The following SPTBN1 variants were observed in gnomAD, a reference collection of about 807,000 sequenced individuals.
The protein encoded by SPTBN1 is spectrin beta chain, non-erythrocytic 1.
Under a neutral mutation model 266.4 loss-of-function variants are expected in SPTBN1, and 32 were observed. The ratio of observed to expected loss-of-function variants is 0.12; its 90% CI spans 0.09 to 0.16. The LOEUF (loss-of-function observed/expected upper bound fraction) is 0.16, where lower values mean the gene tolerates loss of function less well. Among genes scored for constraint, SPTBN1 ranks in the 10% least tolerant of loss-of-function variants. The pLI is 1.00. For missense variants in SPTBN1, 2,296 were observed against 3,067.1 expected, an observed-to-expected ratio of 0.75 and a Z score of 5.94; for synonymous variants, 1,336 against 1,162.2, an observed-to-expected ratio of 1.15 and a Z score of -3.04.
At chr2:54,587,859 G>A (rs529583377) in intron 2 of SPTBN1, among the ~76,000 whole-genome samples, 10 of 152,114 alleles carry the variant, frequency 6.6e-5, no homozygotes, top group Non-Finnish European at 1.3e-4. Context: ...AAGGGGCCCC[G>A]AGTTCACCCT....
intron 19 of SPTBN1, 85 bp from the exon 20 acceptor site, chr2:54,644,238 C>G (rs544623325): frequency 6.6e-7 from 1 of 1,506,194 alleles, no homozygotes; most frequent in Admixed American, 1.9e-5. Context: ...AATCACAGAT[C>G]AAATGTCCTA....
intron 1 of SPTBN1, among the ~76,000 whole-genome samples, chr2:54,502,754 A>C (rs1669339276): frequency 6.6e-6 from 1 of 152,272 alleles, no homozygotes; most frequent in South Asian, 2.1e-4. Context: ...GGGCTTCATT[A>C]TTCCTCTTTT....
At chr2:54,643,586 A>T (rs189780276) in intron 19 of SPTBN1, among the ~76,000 whole-genome samples, 2 of 152,350 alleles carry the variant, frequency 1.3e-5, no homozygotes. Flanking sequence ...TCTTGCACAG[A>T]GAGATTCTGG....
At chr2:54,562,044 T>C (rs1673344031) in intron 2 of SPTBN1, among the ~76,000 whole-genome samples, 1 of 152,156 alleles carries the variant, frequency 6.6e-6, no homozygotes, top group Non-Finnish European at 1.5e-5. Context: ...TTTTCAGATT[T>C]TCACCTGCAA....
intron 2 of SPTBN1, among the ~76,000 whole-genome samples, chr2:54,598,099 G>T (rs1272787717): frequency 6.6e-6 from 1 of 152,156 alleles, no homozygotes; most frequent in East Asian, 1.9e-4. Context: ...TTCTGCAGAG[G>T]CAAGAAGTTT....
chr2:54,590,998 G>C (rs1270974854), intron 2 of SPTBN1, among the ~76,000 whole-genome samples: 1 of 152,200 alleles, frequency 6.6e-6, no homozygotes, highest in African/African-American at 2.4e-5. Flanking sequence ...GTTGGGGTCT[G>C]AAACCACCCA....
chr2:54,661,782 A>G, intron 32 of SPTBN1: 4 of 985,270 alleles, frequency 4.1e-6, no homozygotes, highest in Non-Finnish European at 4.8e-6. Flanking sequence ...CAGGACTGAC[A>G]CCCAATTTGA....
chr2:54,464,813 C>G (rs765221622), intron 1 of SPTBN1, among the ~76,000 whole-genome samples: 56 of 152,272 alleles, frequency 3.7e-4, no homozygotes, highest in Middle Eastern at 3.4e-3. Flanking sequence ...CCTCAGCCTC[C>G]CAAGTAGTTG....
At chr2:54,665,666 G>A (rs987311279) in intron 33 of SPTBN1, among the ~76,000 whole-genome samples, 6 of 152,178 alleles carry the variant, frequency 3.9e-5, no homozygotes, top group African/African-American at 1.2e-4. Flanking sequence ...TTTCTCCGAA[G>A]TGAAAGAGAA....
intron 1 of SPTBN1, among the ~76,000 whole-genome samples, chr2:54,518,474 CAG>C (rs1170706968): frequency 6.2e-4 from 78 of 125,688 alleles, no homozygotes; most frequent in African/African-American, 2.2e-3. Context: ...AAAAAAGAAA[CAG>C]TGGTTTCTTG....
At chr2:54,570,757 A>G (rs893624427) in intron 2 of SPTBN1, among the ~76,000 whole-genome samples, 2 of 152,260 alleles carry the variant, frequency 1.3e-5, no homozygotes, top group East Asian at 3.9e-4. Context: ...ATTTTGAATT[A>G]TGTTTCTTAA....
intron 1 of SPTBN1, among the ~76,000 whole-genome samples, chr2:54,477,640 G>A (rs1407941728): frequency 2.0e-5 from 3 of 152,142 alleles, no homozygotes; most frequent in Non-Finnish European, 1.5e-5. Context: ...TAGGCTGGGC[G>A]CGGTGGCTCA....
At chr2:54,584,417 G>T (rs1038468982) in intron 2 of SPTBN1, among the ~76,000 whole-genome samples, 1 of 152,210 alleles carries the variant, frequency 6.6e-6, no homozygotes, top group African/African-American at 2.4e-5. Flanking sequence ...ATCTATAGAT[G>T]TGATTAGTAG....
At chr2:54,522,680 AGAG>A (rs1670537562) in intron 1 of SPTBN1, among the ~76,000 whole-genome samples, 1 of 107,946 alleles carries the variant, frequency 9.3e-6, no homozygotes, top group African/African-American at 4.0e-5. Context: ...GAGAGAGAGG[AGAG>A]AGAGAGAGAG....
chr2:54,490,554 G>A (rs1053471745), intron 1 of SPTBN1, among the ~76,000 whole-genome samples: 2 of 152,198 alleles, frequency 1.3e-5, no homozygotes, highest in South Asian at 4.1e-4. Flanking sequence ...TTGGGAATAA[G>A]CACTTTGAAG....
intron 1 of SPTBN1, among the ~76,000 whole-genome samples, chr2:54,517,216 A>G (rs974634408): frequency 5.9e-5 from 9 of 152,004 alleles, no homozygotes; most frequent in Non-Finnish European, 1.0e-4. Context: ...CCCTTGGCCA[A>G]GAGGGCCCAT....
chr2:54,645,219 C>G lies in SPTBN1; in HGVS notation c.4270-10C>G, dbSNP rs745650686. 6.2e-7 allele frequency: 1 copy of G among 1,613,988 alleles called. No homozygotes were observed. Among genetic ancestry groups the G allele is most frequent in the East Asian group, 2.2e-5 (1 of 44,880 alleles). ...TGTGCTGAGCGCTGAGGCTGCTTCT[C>G]TGCCCTCAGATGCTGGAGAATCAGA... On this transcript the variant is annotated splice_polypyrimidine_tract_variant and intron_variant, in intron 20 of 35. Transcript: ENST00000356805. This position sits in a 1 kb window ranked among gnomAD's most constrained non-coding sequence, Gnocchi z 4.3.
chr2:54,506,540 G>A (rs1669566151), intron 1 of SPTBN1, among the ~76,000 whole-genome samples: 2 of 151,858 alleles, frequency 1.3e-5, no homozygotes, highest in South Asian at 4.1e-4. Context: ...TGATAGTAGA[G>A]GAATTGGTAG....
At chr2:54,460,971 C>A (rs1313144977) in intron 1 of SPTBN1, among the ~76,000 whole-genome samples, 1 of 152,166 alleles carries the variant, frequency 6.6e-6, no homozygotes, top group African/African-American at 2.4e-5. Flanking sequence ...CACTGCATTC[C>A]AACCTGGGTG....
Sources: gnomAD v4.1 joint callset for allele counts (sites outside exome capture counted in the v4.1 genomes callset) on GRCh38, gnomAD v4.1.1 for gene constraint, Gnocchi (gnomAD v3.1) non-coding constraint, MANE v1.5 for transcripts, NCBI Gene and HGNC (gene_info 2026-07-23, HGNC 2026-07-21) for gene names.